BPIFB3: variants seen among roughly 807,000 people sequenced by gnomAD.
The protein encoded by BPIFB3 is BPI fold-containing family B member 3.
Under a neutral mutation model 53.1 loss-of-function variants are expected in BPIFB3, and 49 were observed. That is an observed-to-expected ratio of 0.92 (90% CI 0.73 to 1.17). The LOEUF is 1.17. Among genes scored for constraint, BPIFB3 ranks in the 50% most tolerant of loss-of-function variants. BPIFB3 has a pLI of 0.00. For synonymous variants in BPIFB3, 271 were observed against 269.6 expected, an observed-to-expected ratio of 1.01 and a Z score of -0.05; for missense variants, 628 against 592.5, an observed-to-expected ratio of 1.06 and a Z score of -0.62.
At chr20:33,054,450 CG>C (rs1265711451), upstream of BPIFB3, among the ~76,000 whole-genome samples, 2 of 152,120 alleles carry the variant, frequency 1.3e-5, no homozygotes, top group Non-Finnish European at 2.9e-5. Flanking sequence ...TAGTGACAGA[CG>C]GATTTCTTTA....
At chr20:33,066,283 G>T (rs533667272) in intron 8 of BPIFB3, among the ~76,000 whole-genome samples, 1 of 152,312 alleles carries the variant, frequency 6.6e-6, no homozygotes, top group South Asian at 2.1e-4. Context: ...AGGGGGTGCA[G>T]GCTCAGTGTG....
At chr20:33,064,747 C>G in exon 8 of BPIFB3, 2 of 1,614,166 alleles carry the variant, frequency 1.2e-6, no homozygotes, top group Non-Finnish European at 1.7e-6. Context: ...CAAGAAGGAC[C>G]ACACATCCCA....
intron 11 of BPIFB3, 115 bp from the exon 13 acceptor site, chr20:33,071,138 T>A: frequency 9.2e-7 from 1 of 1,092,562 alleles, no homozygotes; most frequent in East Asian, 2.7e-5. Flanking sequence ...AGAGGCAGAG[T>A]GTTGGGCTGG....
intron 6 of BPIFB3, 50 bp from the exon 8 acceptor site, chr20:33,064,407 A>T (rs1980578127): frequency 6.9e-7 from 1 of 1,459,616 alleles, no homozygotes; most frequent in South Asian, 1.1e-5. Context: ...GGCTATTATG[A>T]TTGGGAACTG....
At chr20:33,063,232 G>T (rs1004933967) in intron 5 of BPIFB3, among the ~76,000 whole-genome samples, 5 of 152,190 alleles carry the variant, frequency 3.3e-5, no homozygotes, top group Non-Finnish European at 5.9e-5. Flanking sequence ...GCTTCCCAGT[G>T]CCCACGTAGA....
At chr20:33,064,613 C>G (rs978751171) in intron 7 of BPIFB3, 53 bp from the exon 9 acceptor site, 7 of 1,612,530 alleles carry the variant, frequency 4.3e-6, no homozygotes, top group Non-Finnish European at 5.9e-6. Context: ...CGGATCAAGG[C>G]AGGTGGGTGA....
chr20:33,059,653 T>C (rs1420458065), intron 3 of BPIFB3, among the ~76,000 whole-genome samples, 171 bp downstream of exon 4: 1 of 151,308 alleles, frequency 6.6e-6, no homozygotes, highest in Non-Finnish European at 1.5e-5. Context: ...CCCTGGATCC[T>C]ATGCCATTGC....
chr20:33,059,188 T>C (rs151182077), intron 2 of BPIFB3, among the ~76,000 whole-genome samples, 190 bp from the exon 4 acceptor site: 5 of 152,080 alleles, frequency 3.3e-5, no homozygotes, highest in African/African-American at 1.2e-4. Context: ...TCCTGTGAGG[T>C]AGGAACTAGT....
intron 13 of BPIFB3, 34 bp downstream of exon 14, chr20:33,072,201 G>A: frequency 6.2e-7 from 1 of 1,609,010 alleles, no homozygotes; most frequent in Non-Finnish European, 8.5e-7. Context: ...GACACATGGA[G>A]TGTCTGAATT....
intron 2 of BPIFB3, among the ~76,000 whole-genome samples, chr20:33,057,780 C>T (rs902153901): frequency 1.3e-5 from 2 of 151,868 alleles, no homozygotes; most frequent in African/African-American, 4.8e-5. Context: ...TCAATGTTTT[C>T]CTAAACATAG....
chr20:33,064,873 T>C, intron 8 of BPIFB3, 28 bp downstream of exon 9: 1 of 1,601,864 alleles, frequency 6.2e-7, no homozygotes, highest in Non-Finnish European at 8.5e-7. Flanking sequence ...GGGATGGGGA[T>C]GGGGGCTCCT....
chr20:33,063,701 C>T, intron 6 of BPIFB3, 26 bp downstream of exon 7: 1 of 1,610,540 alleles, frequency 6.2e-7, no homozygotes, highest in Non-Finnish European at 8.5e-7. Flanking sequence ...ATGCCCTCCT[C>T]TTTGCCCCTT....
At chr20:33,071,373 TC>T in intron 12 of BPIFB3, 78 bp downstream of exon 13, 1 of 1,478,168 alleles carries the variant, frequency 6.8e-7, no homozygotes, top group Non-Finnish European at 9.2e-7. Flanking sequence ...TGGCCATGAG[TC>T]ATGGGCCATA....
At chr20:33,072,067 G>C in intron 12 of BPIFB3, 37 bp from the exon 14 acceptor site, 1 of 1,611,496 alleles carries the variant, frequency 6.2e-7, no homozygotes, top group Non-Finnish European at 8.5e-7. Context: ...CCACACCCCA[G>C]AGCACCACCC....
At chr20:33,064,640 C>T (rs1294732086) in intron 7 of BPIFB3, 26 bp from the exon 9 acceptor site, 1 of 1,613,136 alleles carries the variant, frequency 6.2e-7, no homozygotes, top group Non-Finnish European at 8.5e-7. Flanking sequence ...TAAGACCCTC[C>T]TCGGCCCTGT....
At chr20:33,060,311 C>T (rs1980400517) in intron 4 of BPIFB3, among the ~76,000 whole-genome samples, 2 of 152,210 alleles carry the variant, frequency 1.3e-5, no homozygotes, top group Admixed American at 1.3e-4. Context: ...CCAGAGCGGG[C>T]CCAGGGTCAG....
chr20:33,054,063 C>A (rs1385080940), upstream of BPIFB3, among the ~76,000 whole-genome samples: 1 of 152,160 alleles, frequency 6.6e-6, no homozygotes, highest in African/African-American at 2.4e-5. Flanking sequence ...ACGGAAAGAA[C>A]TCACCCTAGG....
Position 33,055,584 on chromosome 20 carries a change from G to C in BPIFB3, c.124+37G>C, listed in dbSNP as rs190793150. 9.2e-5 allele frequency: 149 copies of C among 1,612,032 alleles called. No homozygotes were observed. The African/African-American group carries it at 1.8e-3, about 19-fold the overall frequency. On this transcript the variant is annotated intron_variant, in intron 1 of 14. Coordinates refer to ENST00000375494, the Ensembl canonical transcript of BPIFB3. Reference sequence around the variant, plus strand: ...GTGGGCAGTCTGTGAGGGGGCTGCTGCAATGTCAACGACTCAATCTATATG... The same window carrying C: ...GTGGGCAGTCTGTGAGGGGGCTGCTCCAATGTCAACGACTCAATCTATATG...
In BPIFB3 at chr20:33,071,409, G is replaced by T. The variant is rs1980885688; in HGVS notation, c.1260+114G>T. The T allele has an allele frequency of 5.6e-6, 7 of 1,243,514 alleles. 1 individual carries two copies. In the South Asian group the frequency reaches 8.8e-5, roughly 16 times the overall value. 77.0% of individuals were successfully genotyped at this position (1,243,514 alleles called of 1,614,324 possible). A position where few individuals can be genotyped will look rare whatever the true frequency, so the allele number is the denominator to read the frequency against. The stretch of plus-strand genomic sequence containing the variant: ...ATGACTGAGCTGACCTCAGGACTGG[G>T]ATCCTCCCCAATTAAGCCAGAGTGG... On this transcript the variant is annotated intron_variant, in intron 12 of 14. Transcript: ENST00000375494.
Sources: gnomAD v4.1 joint callset for allele counts (sites outside exome capture counted in the v4.1 genomes callset) on GRCh38, gnomAD v4.1.1 for gene constraint, MANE v1.5 for transcripts, NCBI Gene and HGNC (gene_info 2026-07-23, HGNC 2026-07-21) for gene names.